The following CATSPERE variants were observed in gnomAD, a reference collection of about 807,000 sequenced individuals.
CATSPERE encodes catsper channel auxiliary subunit epsilon.
In CATSPERE, 93 loss-of-function variants were observed where a neutral mutation model predicts 114.1. The observed-to-expected ratio is 0.81, with a 90% CI of 0.69 to 0.97. The LOEUF (loss-of-function observed/expected upper bound fraction) is 0.97, where lower values mean the gene tolerates loss of function less well. CATSPERE is among the 50% of genes least tolerant of loss of function. The pLI, the probability that CATSPERE is intolerant of heterozygous loss-of-function variation, is 0.00. For missense variants in CATSPERE, 1,058 were observed against 1,131.6 expected (o/e 0.93, Z 0.93); for synonymous variants, 341 against 384.1 (o/e 0.89, Z 1.31).
intron 8 of CATSPERE, among the ~76,000 whole-genome samples, chr1:244,538,310 T>A (rs72773421): frequency 0.12 from 18,728 of 151,886 alleles, 1,949 homozygotes; most frequent in African/African-American, 0.28. Flanking sequence ...AGAAAAAAAA[T>A]TTTTTAAGGT....
intron 7 of CATSPERE, among the ~76,000 whole-genome samples, chr1:244,502,712 A>G (rs1056382356): frequency 6.6e-6 from 1 of 152,166 alleles, no homozygotes; most frequent in Non-Finnish European, 1.5e-5. Flanking sequence ...CCAGGAAATA[A>G]GAGTGGAGGA....
At chr1:244,483,470 G>T (rs1381729362) in intron 5 of CATSPERE, among the ~76,000 whole-genome samples, 1 of 152,012 alleles carries the variant, frequency 6.6e-6, no homozygotes, top group African/African-American at 2.4e-5. Context: ...TTTCCATTTT[G>T]CTATATCCTC....
At chr1:244,571,725 A>G (rs974317150) in intron 10 of CATSPERE, among the ~76,000 whole-genome samples, 3 of 152,196 alleles carry the variant, frequency 2.0e-5, no homozygotes, top group African/African-American at 7.2e-5. Flanking sequence ...GAAGTCCAAG[A>G]TCAAGGTACT....
intron 5 of CATSPERE, among the ~76,000 whole-genome samples, chr1:244,485,764 C>T (rs1457676152): frequency 6.7e-6 from 1 of 149,496 alleles, no homozygotes; most frequent in Non-Finnish European, 1.5e-5. Flanking sequence ...GTAGTGCAAT[C>T]GTAGCTCACG....
intron 4 of CATSPERE, 59 bp from the exon 5 acceptor site, chr1:244,479,658 C>T (rs887393817): frequency 1.9e-6 from 2 of 1,034,676 alleles, no homozygotes; most frequent in African/African-American, 1.6e-5. Context: ...GTGGCTATAT[C>T]CATATTTGCA....
At position 244,634,714 on chromosome 1, in the gene CATSPERE, A is replaced by C. The variant is rs756880833; in HGVS notation, c.2649-775A>C. On this transcript the variant is annotated intron_variant, in intron 20 of 21. Coordinates refer to ENST00000366534, the MANE Select transcript of CATSPERE (RefSeq NM_001130957.2). The stretch of plus-strand genomic sequence containing the variant: ...ACTAACAGCTGTGTAAACTTTCTCA[A>C]GTTGCTTAACCTATCTGAGCTTCCT... Among the ~76,000 whole-genome samples the C allele has an allele frequency of 4.6e-5, 7 of 152,350 alleles. 2 individuals are homozygous for C. In the South Asian group the frequency reaches 1.2e-3, roughly 27 times the overall value.
chr1:244,577,431 T>C (rs900286585), intron 11 of CATSPERE, among the ~76,000 whole-genome samples: 1 of 152,228 alleles, frequency 6.6e-6, no homozygotes, highest in African/African-American at 2.4e-5. Context: ...TTGAAATCTA[T>C]CTTAGTCCAT....
intron 18 of CATSPERE, 37 bp downstream of exon 18, chr1:244,605,831 C>A: frequency 7.4e-7 from 1 of 1,344,724 alleles, no homozygotes; most frequent in Non-Finnish European, 1.1e-6. Flanking sequence ...ATTTAGCATG[C>A]AACTAGACAA....
chr1:244,561,115 A>T lies in CATSPERE; in HGVS notation c.1477A>T (p.Asn493Tyr). The T allele has an allele frequency of 6.2e-7, 1 of 1,602,144 alleles. No individual in the cohort carries two copies. Among genetic ancestry groups the T allele is most frequent in the Non-Finnish European group, 8.5e-7 (1 of 1,170,234 alleles). The change falls in exon 10 of 22, where the codon AAT becomes TAT. Residue 493 changes from asparagine to tyrosine, a missense_variant. Coordinates refer to ENST00000366534, the MANE Select transcript of CATSPERE (RefSeq NM_001130957.2). ...ACATGGAAATCTATCAATGCTATCA[A>T]ATGACAGCATTATTCATGAAGTTTT... ...AGHGNLSMLS[N>Y]DSIIHEVFID...
At chr1:244,476,560 A>G (rs775791536) in intron 2 of CATSPERE, among the ~76,000 whole-genome samples, 5 of 152,262 alleles carry the variant, frequency 3.3e-5, no homozygotes, top group African/African-American at 7.2e-5. Context: ...TATAATATCA[A>G]ATCTATGAAA....
intron 8 of CATSPERE, among the ~76,000 whole-genome samples, chr1:244,547,145 A>G (rs1659882820): frequency 6.6e-6 from 1 of 152,198 alleles, no homozygotes; most frequent in African/African-American, 2.4e-5. Flanking sequence ...TTCTCAGCAG[A>G]AGTCTTACAG....
chr1:244,639,856 T>C (rs1675142203), intron 21 of CATSPERE, 72 bp from the exon 22 acceptor site: 3 of 1,374,104 alleles, frequency 2.2e-6, no homozygotes, highest in Non-Finnish European at 9.9e-7. Context: ...ATTCAAAAAG[T>C]GTTTAAATAA....
At chr1:244,461,688 G>T (rs1400993241) in intron 1 of CATSPERE, among the ~76,000 whole-genome samples, 194 bp downstream of exon 1, 1 of 152,148 alleles carries the variant, frequency 6.6e-6, no homozygotes, top group Non-Finnish European at 1.5e-5. Flanking sequence ...TGAGCGAGAG[G>T]GGACGCAGTT....
At chr1:244,534,626 A>G (rs1435035368) in intron 8 of CATSPERE, among the ~76,000 whole-genome samples, 3 of 9,678 alleles carry the variant, frequency 3.1e-4, no homozygotes, top group Non-Finnish European at 7.0e-4. Context: ...AATTACTTCA[A>G]TCTCTTTTTT....
intron 5 of CATSPERE, among the ~76,000 whole-genome samples, chr1:244,485,511 C>A (rs972350081): frequency 2.6e-5 from 4 of 151,130 alleles, no homozygotes; most frequent in Admixed American, 1.3e-4. Context: ...CTCCCTTATT[C>A]TTTTTTTTTC....
At position 244,607,586 on chromosome 1, in the gene CATSPERE, G is replaced by A. The variant is rs183456693; in HGVS notation, c.2403+1792G>A. Reference sequence around the variant, plus strand: ...GCTGGAATATGAGCAGAAGTCATAGGTGTCACTTCCAGGTGAAGTGCTTAA... The same window carrying A: ...GCTGGAATATGAGCAGAAGTCATAGATGTCACTTCCAGGTGAAGTGCTTAA... On this transcript the variant is annotated intron_variant, in intron 18 of 21. Transcript: ENST00000366534. This position sits in a 1 kb window ranked among gnomAD's most constrained non-coding sequence, Gnocchi z 4.4. 1.3e-5 allele frequency among the ~76,000 whole-genome samples: 2 copies of A among 152,302 alleles called. No individual in the cohort carries two copies. The highest frequency in any genetic ancestry group is 3.9e-4 in the East Asian group (2 of 5,184).
At chr1:244,497,363 G>A (rs1023050535) in intron 6 of CATSPERE, among the ~76,000 whole-genome samples, 10 of 151,680 alleles carry the variant, frequency 6.6e-5, no homozygotes, top group East Asian at 1.9e-4. Flanking sequence ...TTCTTAATAC[G>A]TAAAAAAATT....
At chr1:244,567,201 C>T (rs1300703344) in intron 10 of CATSPERE, among the ~76,000 whole-genome samples, 1 of 152,210 alleles carries the variant, frequency 6.6e-6, no homozygotes, top group Non-Finnish European at 1.5e-5. Flanking sequence ...TGTAGGGTTT[C>T]TGCAGAGAGA....
intron 18 of CATSPERE, among the ~76,000 whole-genome samples, chr1:244,608,624 C>T (rs577559213): frequency 3.9e-5 from 6 of 152,022 alleles, no homozygotes; most frequent in Non-Finnish European, 7.4e-5. Flanking sequence ...TTGTTATTCA[C>T]ACTACTCCAG....
Sources: gnomAD v4.1 joint callset for allele counts (sites outside exome capture counted in the v4.1 genomes callset) on GRCh38, gnomAD v4.1.1 for gene constraint, Gnocchi (gnomAD v3.1) non-coding constraint, MANE v1.5 for transcripts, NCBI Gene and HGNC (gene_info 2026-07-23, HGNC 2026-07-21) for gene names.